Variants in PCSK1 observed in about 807,000 individuals in gnomAD.
PCSK1 encodes proprotein convertase subtilisin/kexin type 1.
In PCSK1, 56 loss-of-function variants were observed where a neutral mutation model predicts 90.6. The observed-to-expected ratio is 0.62, with a 90% CI of 0.50 to 0.77. The LOEUF is 0.77. PCSK1 is among the 30% of genes least tolerant of loss of function. The pLI is 0.00. For missense variants in PCSK1, 801 were observed against 932.6 expected, an observed-to-expected ratio of 0.86 and a Z score of 1.84; for synonymous variants, 348 against 342.4, an observed-to-expected ratio of 1.02 and a Z score of -0.18.
intron 9 of PCSK1, among the ~76,000 whole-genome samples, chr5:96,407,458 T>G (rs1760611279): frequency 1.3e-5 from 2 of 152,162 alleles, no homozygotes; most frequent in African/African-American, 4.8e-5. Context: ...TGACAAGGGT[T>G]TTGGAAACTG....
At position 96,392,932 on chromosome 5, in the gene PCSK1, C is replaced by T. The variant is rs1324158676; in HGVS notation, c.*69G>A. ...AGAATTCATGACAAAACAACCACTT[C>T]AGACACAGGCAAAATCGCAGGGTAA... On this transcript the variant is annotated 3_prime_UTR_variant, in exon 14 of 14. Transcript: ENST00000311106. 3.3e-6 allele frequency: 5 copies of T among 1,521,168 alleles called. No individual in the cohort carries two copies. The highest frequency in any genetic ancestry group is 4.6e-6 in the Non-Finnish European group (5 of 1,097,412). The allele number at this position is 1,521,168 out of a possible 1,614,324, so 94.2% of individuals were successfully genotyped here.
At chr5:96,430,197 G>C (rs149022002) in intron 1 of PCSK1, among the ~76,000 whole-genome samples, 1 of 152,210 alleles carries the variant, frequency 6.6e-6, no homozygotes, top group African/African-American at 2.4e-5. Flanking sequence ...ACTTCTCCGG[G>C]TATCTATTGA....
chr5:96,409,755 A>G (rs1480722758), intron 8 of PCSK1, among the ~76,000 whole-genome samples: 1 of 152,226 alleles, frequency 6.6e-6, no homozygotes, highest in East Asian at 1.9e-4. Flanking sequence ...TGTGCCTGCC[A>G]TAAAACCCCT....
intron 2 of PCSK1, among the ~76,000 whole-genome samples, chr5:96,427,870 C>A (rs1761363383): frequency 1.3e-5 from 2 of 152,098 alleles, no homozygotes; most frequent in South Asian, 4.1e-4. Flanking sequence ...TTTTCAGAGC[C>A]CACACACGAT....
intron 5 of PCSK1, among the ~76,000 whole-genome samples, chr5:96,421,055 C>T (rs577825881): frequency 2.4e-4 from 36 of 152,278 alleles, no homozygotes; most frequent in African/African-American, 8.2e-4. Context: ...GTGAGAACAT[C>T]GGTATGAGCA....
chr5:96,418,518 T>C (rs1761005117), intron 5 of PCSK1, among the ~76,000 whole-genome samples: 1 of 152,230 alleles, frequency 6.6e-6, no homozygotes, highest in Non-Finnish European at 1.5e-5. Context: ...TATTTAGTGA[T>C]TCCTCTTTTG....
rs1353819497 is a variant in PCSK1 at position 96,399,185 on chromosome 5, A to G, written c.1431-149T>C. 2.3e-5 allele frequency: 15 copies of G among 652,868 alleles called. No homozygotes were observed. The East Asian group carries it at 3.5e-4, about 15-fold the overall frequency. 40.4% of individuals were successfully genotyped at this position (652,868 alleles called of 1,614,324 possible). On this transcript the variant is annotated intron_variant, in intron 10 of 13. Transcript: ENST00000311106. Reference sequence around the variant, plus strand: ...TGTAGAACCTAATTCAGAATTATGTATACATGAATTTTAATGCATAAGAAA... The same window carrying G: ...TGTAGAACCTAATTCAGAATTATGTGTACATGAATTTTAATGCATAAGAAA...
chr5:96,393,172 A>G lies in PCSK1; in HGVS notation c.2091T>C (p.Tyr697=), dbSNP rs2112386462. 3 of 1,614,174 alleles carry G rather than the reference A, an allele frequency of 1.9e-6. No individual in the cohort carries two copies. The highest frequency in any genetic ancestry group is 2.5e-6 in the Non-Finnish European group (3 of 1,180,020). Residue 697 remains tyrosine, a synonymous_variant, in exon 14 of 14, where the codon TAT becomes TAC. Transcript: ENST00000311106. Reference sequence around the variant, plus strand: ...TTTCCAGGGCTTCGTAGAAGTTTTCATAAGGGATGTTGAGCTTTGCACTTG... The same window carrying G: ...TTTCCAGGGCTTCGTAGAAGTTTTCGTAAGGGATGTTGAGCTTTGCACTTG... ...KSPSAKLNIP[Y]ENFYEALEKL...
intron 13 of PCSK1, among the ~76,000 whole-genome samples, chr5:96,394,222 G>A (rs905151245): frequency 3.9e-5 from 6 of 152,206 alleles, no homozygotes; most frequent in Admixed American, 3.3e-4. Context: ...TAGATGCTGG[G>A]ATACAGAGAT....
chr5:96,419,175 AAT>A (rs1171509165), intron 5 of PCSK1, among the ~76,000 whole-genome samples: 2 of 151,858 alleles, frequency 1.3e-5, no homozygotes, highest in African/African-American at 4.8e-5. Flanking sequence ...GTAGTATTTA[AAT>A]ATCTTGTGGA....
At chr5:96,419,384 T>TTATA (rs10532274) in intron 5 of PCSK1, among the ~76,000 whole-genome samples, 1 of 144,098 alleles carries the variant, frequency 6.9e-6, no homozygotes, top group Admixed American at 7.0e-5. Context: ...ATAATACTTA[T>TTATA]TATATATATA....
intron 5 of PCSK1, among the ~76,000 whole-genome samples, chr5:96,420,222 G>C (rs1302211902): frequency 6.6e-6 from 1 of 152,206 alleles, no homozygotes; most frequent in African/African-American, 2.4e-5. Context: ...AAATGGAATA[G>C]AGGCAGAGAG....
chr5:96,396,868 A>C (rs1760168446), intron 12 of PCSK1, among the ~76,000 whole-genome samples: 1 of 152,258 alleles, frequency 6.6e-6, no homozygotes, highest in Non-Finnish European at 1.5e-5. Flanking sequence ...ACTGTTTAAA[A>C]AAGTCATATT....
chr5:96,419,384 TTATA>T (rs10532274), intron 5 of PCSK1, among the ~76,000 whole-genome samples: 5 of 144,084 alleles, frequency 3.5e-5, no homozygotes, highest in African/African-American at 5.1e-5. Flanking sequence ...ATAATACTTA[TTATA>T]TATATATATA....
intron 9 of PCSK1, among the ~76,000 whole-genome samples, chr5:96,400,720 T>C (rs1027458613): frequency 6.6e-6 from 1 of 152,242 alleles, no homozygotes; most frequent in Non-Finnish European, 1.5e-5. Context: ...CTCTTAGCTA[T>C]TTGAGCTCAC....
chr5:96,432,027 G>T, intron 1 of PCSK1: 1 of 1,263,526 alleles, frequency 7.9e-7, no homozygotes, highest in Non-Finnish European at 1.1e-6. Context: ...TATCGACCAA[G>T]CCTTCACTTG....
intron 5 of PCSK1, among the ~76,000 whole-genome samples, chr5:96,419,583 A>C (rs2112434658): frequency 6.6e-6 from 1 of 151,696 alleles, no homozygotes; most frequent in African/African-American, 2.4e-5. Context: ...CAGATCTAAA[A>C]TTTGACCTAA....
intron 5 of PCSK1, among the ~76,000 whole-genome samples, chr5:96,417,381 T>C (rs1281875940): frequency 2.0e-5 from 3 of 152,166 alleles, no homozygotes; most frequent in Non-Finnish European, 4.4e-5. Context: ...CTTTTATGTA[T>C]GCTAGCATTT....
chr5:96,413,675 C>G (rs1295921955), intron 6 of PCSK1, among the ~76,000 whole-genome samples: 1 of 151,646 alleles, frequency 6.6e-6, no homozygotes, highest in Non-Finnish European at 1.5e-5. Context: ...TGGCACGCAC[C>G]TATAATCCCA....
Sources: allele counts gnomAD v4.1 joint callset (sites outside exome capture counted in the v4.1 genomes callset), GRCh38; gene constraint gnomAD v4.1.1; transcripts MANE v1.5; gene names NCBI Gene and HGNC (gene_info 2026-07-23, HGNC 2026-07-21).